Variants in TMCO5A observed in about 807,000 individuals in gnomAD.
TMCO5A encodes transmembrane and coiled-coil domain-containing protein 5A.
TMCO5A carries 34 observed loss-of-function variants against 42.3 expected under a neutral mutation model. The ratio of observed to expected loss-of-function variants is 0.80; its 90% CI spans 0.61 to 1.07. The LOEUF is 1.07. TMCO5A is among the 50% of genes least tolerant of loss of function. TMCO5A has a pLI of 0.00. For synonymous variants in TMCO5A, 131 were observed against 115.6 expected, an observed-to-expected ratio of 1.13 and a Z score of -0.86; for missense variants, 357 against 327.9, an observed-to-expected ratio of 1.09 and a Z score of -0.69.
chr15:37,970,631 C>A (rs377184549), downstream of TMCO5A, among the ~76,000 whole-genome samples: 3 of 152,208 alleles, frequency 2.0e-5, no homozygotes, highest in Admixed American at 6.5e-5. Flanking sequence ...TCCCTTCTGC[C>A]TATGAGACTG....
chr15:37,956,022 A>G (rs1422371984), downstream of TMCO5A, among the ~76,000 whole-genome samples: 1 of 152,192 alleles, frequency 6.6e-6, no homozygotes, highest in Non-Finnish European at 1.5e-5. Context: ...ATGAAGGTAG[A>G]AATAAACAAG....
chr15:38,014,231 T>C, the TMCO5A span, among the ~76,000 whole-genome samples: 1 of 152,190 alleles, frequency 6.6e-6, no homozygotes, highest in Non-Finnish European at 1.5e-5. Context: ...GCCATTATTC[T>C]TTCTATCATA....
the TMCO5A span, among the ~76,000 whole-genome samples, chr15:37,986,942 A>G: frequency 0.014 from 2,144 of 152,160 alleles, 44 homozygotes; most frequent in African/African-American, 0.049. Flanking sequence ...TTGTTGAAAC[A>G]CATGATAATT....
In TMCO5A at chr15:37,941,566, T is replaced by C; in HGVS notation, c.445-105T>C. On this transcript the variant is annotated intron_variant, in intron 7 of 11. Coordinates refer to ENST00000319669, the MANE Select transcript of TMCO5A (RefSeq NM_152453.4). Reference sequence around the variant, plus strand: ...AAAAAAGAAAACATATTTAGAACAATTAGAAAACCACATTTAGGACCTGGG... The same window carrying C: ...AAAAAAGAAAACATATTTAGAACAACTAGAAAACCACATTTAGGACCTGGG... 8.1e-6 allele frequency: 7 copies of C among 868,316 alleles called. 1 individual carries two copies. The South Asian group carries it at 9.8e-5, about 12-fold the overall frequency. 53.8% of individuals were successfully genotyped at this position (868,316 alleles called of 1,614,324 possible). A position where few individuals can be genotyped will look rare whatever the true frequency, so the allele number is the denominator to read the frequency against.
At chr15:38,010,754 CTTAT>C in the TMCO5A span, among the ~76,000 whole-genome samples, 30 of 152,022 alleles carry the variant, frequency 2.0e-4, no homozygotes, top group African/African-American at 9.7e-5. Flanking sequence ...TATTTGCTTA[CTTAT>C]TTATTTATTT....
chr15:37,952,045 C>T (rs1195665920), downstream of TMCO5A, among the ~76,000 whole-genome samples: 1 of 152,176 alleles, frequency 6.6e-6, no homozygotes, highest in African/African-American at 2.4e-5. Flanking sequence ...CACCTGCCCA[C>T]AGAGGGCTAA....
At chr15:37,975,434 A>G in the TMCO5A span, among the ~76,000 whole-genome samples, 1 of 144,856 alleles carries the variant, frequency 6.9e-6, no homozygotes, top group Non-Finnish European at 1.5e-5. Context: ...TTGCATGCAT[A>G]TATATTTAGA....
chr15:37,966,897 A>G (rs1281173448), exon 12 of TMCO5A: 1 of 564,294 alleles, frequency 1.8e-6, no homozygotes, highest in Non-Finnish European at 3.2e-6. Context: ...GAACAAAGTA[A>G]GGGAATGACC....
At chr15:38,004,827 A>G in the TMCO5A span, 1 of 152,144 alleles carries the variant, frequency 6.6e-6, no homozygotes, top group African/African-American at 2.4e-5. Flanking sequence ...GTGAAGTTAA[A>G]ACCAGGTATT....
chr15:38,029,515 C>T, the TMCO5A span, among the ~76,000 whole-genome samples: 3 of 152,130 alleles, frequency 2.0e-5, no homozygotes, highest in Admixed American at 6.5e-5. Flanking sequence ...GGCTGAAATG[C>T]AGTGGCACAA....
chr15:38,001,850 ATTTAT>A, the TMCO5A span, among the ~76,000 whole-genome samples: 29 of 151,964 alleles, frequency 1.9e-4, no homozygotes, highest in African/African-American at 6.8e-4. Context: ...TGTTGTTCCT[ATTTAT>A]ATCTTATTAT....
the TMCO5A span, among the ~76,000 whole-genome samples, chr15:37,974,195 T>C: frequency 6.6e-6 from 1 of 152,300 alleles, no homozygotes; most frequent in Admixed American, 6.5e-5. Flanking sequence ...GCATCTATGT[T>C]TATCGAGAAT....
chr15:38,016,920 C>T, the TMCO5A span, among the ~76,000 whole-genome samples: 1 of 149,644 alleles, frequency 6.7e-6, no homozygotes. Flanking sequence ...TTTTTTTTTT[C>T]CAACTATTTA....
the TMCO5A span, among the ~76,000 whole-genome samples, chr15:37,993,179 G>A: frequency 1.3e-5 from 2 of 151,180 alleles, no homozygotes; most frequent in Non-Finnish European, 2.9e-5. Flanking sequence ...TATGAGAGTT[G>A]CTTTAAAGTA....
the TMCO5A span, among the ~76,000 whole-genome samples, chr15:38,024,116 G>A: frequency 6.6e-6 from 1 of 152,184 alleles, no homozygotes; most frequent in Non-Finnish European, 1.5e-5. Flanking sequence ...GGCCTGATCA[G>A]CTGGAGAGAA....
the TMCO5A span, among the ~76,000 whole-genome samples, chr15:38,008,802 A>G: frequency 6.6e-6 from 1 of 152,224 alleles, no homozygotes; most frequent in Non-Finnish European, 1.5e-5. Context: ...AAGACAACGC[A>G]TGACCATCTG....
Position 37,951,182 on chromosome 15 carries a change from G to T in TMCO5A, c.815G>T (p.Cys272Phe), listed in dbSNP as rs747125836. Residue 272 changes from cysteine to phenylalanine, a missense_variant, in exon 12 of 12, where the codon TGC becomes TTC. Cys to Phe is a radical substitution (Grantham distance 205). Coordinates refer to ENST00000319669, the MANE Select transcript of TMCO5A (RefSeq NM_152453.4). Reference sequence around the variant, plus strand: ...AGGAGCACCTTGTGGAAGCTCAGATGCTTCTTCTTTCCATCTCTCACACTT... The same window carrying T: ...AGGAGCACCTTGTGGAAGCTCAGATTCTTCTTCTTTCCATCTCTCACACTT... ...LGRSTLWKLRCFFFPSLTLET... is the reference protein window; with the variant it reads ...LGRSTLWKLRFFFFPSLTLET... 23 of 1,613,736 alleles carry T rather than the reference G, an allele frequency of 1.4e-5. No individual in the cohort carries two copies. Among genetic ancestry groups the T allele is most frequent in the African/African-American group, 1.3e-5 (1 of 74,904 alleles).
At chr15:38,014,684 T>C in the TMCO5A span, among the ~76,000 whole-genome samples, 9 of 151,910 alleles carry the variant, frequency 5.9e-5, no homozygotes, top group African/African-American at 2.2e-4. Context: ...AATTGTTTAA[T>C]GTGTTTCCCT....
chr15:37,976,448 G>A, the TMCO5A span, among the ~76,000 whole-genome samples: 1 of 151,952 alleles, frequency 6.6e-6, no homozygotes, highest in East Asian at 1.9e-4. Flanking sequence ...TTGAATGTTG[G>A]CCTCTCTAAC....
Sources: gnomAD v4.1 joint callset for allele counts (sites outside exome capture counted in the v4.1 genomes callset) on GRCh38, gnomAD v4.1.1 for gene constraint, MANE v1.5 for transcripts, NCBI Gene and HGNC (gene_info 2026-07-23, HGNC 2026-07-21) for gene names.